KLF17: variants seen among roughly 807,000 people sequenced by gnomAD.
KLF17 encodes KLF transcription factor 17.
Under a neutral mutation model 34.2 loss-of-function variants are expected in KLF17, and 31 were observed. The observed-to-expected ratio is 0.91, with a 90% CI of 0.68 to 1.22. KLF17 has a LOEUF of 1.22. Ranked by LOEUF, KLF17 falls within the 50% of genes most tolerant of loss-of-function variation. The probability of loss-of-function intolerance (pLI) is 0.00; values close to 1 mark genes in which losing one functional copy is unlikely to be tolerated. For missense variants in KLF17, 478 were observed against 505.2 expected (o/e 0.95, Z 0.52); for synonymous variants, 179 against 186.7 (o/e 0.96, Z 0.34).
chr1:44,116,642 C>T (rs562683720), upstream of KLF17, among the ~76,000 whole-genome samples: 196 of 152,332 alleles, frequency 1.3e-3, no homozygotes, highest in African/African-American at 4.3e-3. Flanking sequence ...TCAGAGTCAC[C>T]AGTGACCTCC....
At chr1:44,064,035 A>G in the KLF17 span, among the ~76,000 whole-genome samples, 1 of 152,206 alleles carries the variant, frequency 6.6e-6, no homozygotes, top group Non-Finnish European at 1.5e-5. Flanking sequence ...AAAGTGGACC[A>G]AAAGAGGCAC....
chr1:44,104,603 C>A, the KLF17 span: 1 of 581,198 alleles, frequency 1.7e-6, no homozygotes. Flanking sequence ...GCCGCTGGTC[C>A]CACCATAGCC....
chr1:44,052,609 C>A, the KLF17 span, among the ~76,000 whole-genome samples: 1 of 152,186 alleles, frequency 6.6e-6, no homozygotes. Context: ...AGCTTATAAT[C>A]CACTTTTATA....
chr1:44,054,727 C>T, the KLF17 span, among the ~76,000 whole-genome samples: 3 of 151,026 alleles, frequency 2.0e-5, no homozygotes, highest in East Asian at 3.9e-4. Flanking sequence ...ATGATCCACC[C>T]GCCTTGGCCT....
At position 44,134,020 on chromosome 1, in the gene KLF17, TCA is replaced by T. The variant is rs1009714509; in HGVS notation, c.*790_*791del. ...GTCTCTGTTCCCCAGCCCACCTGGC[TCA>T]CACACAGCCTCATGGGTAGGGTCAG... On this transcript the variant is annotated 3_prime_UTR_variant, in exon 4 of 4. Transcript: ENST00000372299. 6.6e-5 allele frequency: 10 copies of T among 152,178 alleles called. No homozygotes were observed. Among genetic ancestry groups the T allele is most frequent in the Admixed American group, 6.5e-4 (10 of 15,274 alleles). 9.4% of individuals were successfully genotyped at this position (152,178 alleles called of 1,614,324 possible). A position where few individuals can be genotyped will look rare whatever the true frequency, so the allele number is the denominator to read the frequency against.
intron 3 of KLF17, among the ~76,000 whole-genome samples, chr1:44,131,754 G>C (rs1291851174): frequency 6.6e-6 from 1 of 152,148 alleles, no homozygotes; most frequent in Non-Finnish European, 1.5e-5. Context: ...GAGTACAGTG[G>C]TGTGATCTCA....
chr1:44,117,222 C>T (rs2087888868), upstream of KLF17: 1 of 152,012 alleles, frequency 6.6e-6, no homozygotes, highest in Non-Finnish European at 1.5e-5. Flanking sequence ...CCAGTTCATC[C>T]CTCCTTAGGC....
intron 1 of KLF17, chr1:44,122,336 A>G: frequency 6.2e-7 from 1 of 1,604,836 alleles, no homozygotes; most frequent in Non-Finnish European, 8.5e-7. Context: ...TTCCTCGAAT[A>G]CTCAGCGTTT....
At chr1:44,131,041 C>A (rs943909448) in intron 3 of KLF17, among the ~76,000 whole-genome samples, 1 of 152,206 alleles carries the variant, frequency 6.6e-6, no homozygotes, top group Non-Finnish European at 1.5e-5. Flanking sequence ...ATGATCCGCC[C>A]ACGCTGGCCT....
the KLF17 span, chr1:44,076,224 T>C: frequency 6.6e-6 from 1 of 152,224 alleles, no homozygotes; most frequent in Admixed American, 6.5e-5. Context: ...CCTTGACTAA[T>C]GGGAACAGGA....
At chr1:44,116,468 A>G (rs926648765), upstream of KLF17, among the ~76,000 whole-genome samples, 1 of 152,146 alleles carries the variant, frequency 6.6e-6, no homozygotes, top group African/African-American at 2.4e-5. Flanking sequence ...GTGCATCCCC[A>G]TCAGCCTATA....
chr1:44,091,481 C>A, the KLF17 span, among the ~76,000 whole-genome samples: 1 of 151,820 alleles, frequency 6.6e-6, no homozygotes, highest in East Asian at 1.9e-4. Context: ...CCTGGTGAGA[C>A]CCTGTTTCTA....
At chr1:44,125,909 A>G (rs2088001935) in intron 1 of KLF17, among the ~76,000 whole-genome samples, 1 of 152,210 alleles carries the variant, frequency 6.6e-6, no homozygotes, top group Admixed American at 6.5e-5. Context: ...TTGGGGGTTG[A>G]GTTGCCATAA....
At chr1:44,114,258 T>A (rs1022851632), upstream of KLF17, 2 of 152,188 alleles carry the variant, frequency 1.3e-5, no homozygotes, top group Non-Finnish European at 2.9e-5. Context: ...GAAGCGAGAA[T>A]CAGGAAGATT....
At chr1:44,052,942 A>G in the KLF17 span, among the ~76,000 whole-genome samples, 1 of 147,738 alleles carries the variant, frequency 6.8e-6, no homozygotes, top group Non-Finnish European at 1.5e-5. Flanking sequence ...ACTCTGTTGC[A>G]CAGGCTGGAG....
the KLF17 span, among the ~76,000 whole-genome samples, chr1:44,065,408 T>G: frequency 4.3e-5 from 5 of 116,642 alleles, no homozygotes; most frequent in East Asian, 4.6e-4. Flanking sequence ...ATCCTTGGTT[T>G]TTTTTTTTTT....
At position 44,129,443 on chromosome 1, in the gene KLF17, A is replaced by G. The variant is rs1460167383; in HGVS notation, c.172A>G (p.Ile58Val). 6.2e-7 allele frequency: 1 copy of G among 1,601,834 alleles called. No individual in the cohort carries two copies. ...HTSWNQGLPSIQHFPHSAEML... is the reference protein window; with the variant it reads ...HTSWNQGLPSVQHFPHSAEML... ...CTCTTGGAACCAAGGCCTACCAAGC[A>G]TTCAGCACTTTCCTCACAGCGCAGA... The change falls in exon 2 of 4, where the codon ATT becomes GTT. Residue 58 changes from isoleucine to valine, a missense_variant. Ile to Val is a conservative substitution (Grantham distance 29). Transcript: ENST00000372299.
chr1:44,046,505 T>A, the KLF17 span, among the ~76,000 whole-genome samples: 24 of 149,976 alleles, frequency 1.6e-4, no homozygotes, highest in African/African-American at 5.4e-4. Context: ...ACAGGCATGG[T>A]CTGCCACGCC....
the KLF17 span, chr1:44,103,672 GCGCCATGTCCTGCTTGGCCGGC>G: frequency 1.2e-6 from 2 of 1,610,064 alleles, no homozygotes; most frequent in East Asian, 4.5e-5. Flanking sequence ...CGCAGCTGCC[GCGCCATGTCCTGCTTGGCCGGC>G]TGGAGGGCGG....
Sources: gnomAD v4.1 joint callset for allele counts (sites outside exome capture counted in the v4.1 genomes callset) on GRCh38, gnomAD v4.1.1 for gene constraint, MANE v1.5 for transcripts, NCBI Gene and HGNC (gene_info 2026-07-23, HGNC 2026-07-21) for gene names.